The following ADGRF5 variants were observed in gnomAD, a reference collection of about 807,000 sequenced individuals.
The protein encoded by ADGRF5 is adhesion G protein-coupled receptor F5, also known as G-protein coupled receptor 116.
Under a neutral mutation model 132.3 loss-of-function variants are expected in ADGRF5, and 75 were observed. The ratio of observed to expected loss-of-function variants is 0.57; its 90% confidence interval spans 0.47 to 0.69. ADGRF5 has a LOEUF of 0.69. Among genes scored for constraint, ADGRF5 ranks in the 30% least tolerant of loss-of-function variants. The pLI is 0.00. For synonymous variants in ADGRF5, 629 were observed against 597.6 expected (o/e 1.05, Z -0.77); for missense variants, 1,516 against 1,630.6 (o/e 0.93, Z 1.21).
chr6:46,932,229 T>C (rs1777586074), intron 1 of ADGRF5, among the ~76,000 whole-genome samples: 1 of 152,200 alleles, frequency 6.6e-6, no homozygotes, highest in African/African-American at 2.4e-5. Flanking sequence ...TTAAAAAATA[T>C]TTTTTGACCA....
chr6:46,903,223 G>A (rs1443874919), intron 2 of ADGRF5, among the ~76,000 whole-genome samples: 1 of 150,034 alleles, frequency 6.7e-6, no homozygotes, highest in Non-Finnish European at 1.5e-5. Context: ...GGGAGCACAG[G>A]TTTGCCAGGG....
chr6:46,858,572 G>C lies in ADGRF5; in HGVS notation c.3331C>G (p.Leu1111Val), dbSNP rs761146135. 2.5e-6 allele frequency: 4 copies of C among 1,613,348 alleles called. No homozygotes were observed. The highest frequency in any genetic ancestry group is 3.3e-4 in the Middle Eastern group (2 of 6,058). Residue 1111 changes from leucine (L) to valine (V), a missense_variant, in exon 17 of 21, where the codon CTG becomes GTG. Leu to Val is a conservative substitution (Grantham distance 32). Around this residue, in one of 2 missense-constraint regions of ADGRF5, gnomAD observed 571 missense variants for 701.2 expected, o/e 0.81. Transcript: ENST00000283296. ...FFWMLTLGLMLFYRLVFILHE... is the reference protein window; with the variant it reads ...FFWMLTLGLMVFYRLVFILHE... ...AGAATGAAAACCAGGCGATAGAACA[G>C]CATGAGGCCCAGTGTCAGCATCCAG...
rs78332314 is a variant in ADGRF5 at position 46,896,977 on chromosome 6, T to C, written c.157+3052A>G. Among the ~76,000 whole-genome samples, 1,020 of 152,034 alleles carry C rather than the reference T, an allele frequency of 6.7e-3. 13 individuals are homozygous for C. The highest frequency in any genetic ancestry group is 0.023 in the African/African-American group (974 of 41,470). On this transcript the variant is annotated intron_variant, in intron 3 of 20. Coordinates refer to ENST00000283296, the MANE Select transcript of ADGRF5 (RefSeq NM_001098518.2). ...AGGATGTACATAGGTTATATGCAAATTGACACAATTTAATATCAGGGACTT... is the reference window on the plus strand; with the variant it reads ...AGGATGTACATAGGTTATATGCAAACTGACACAATTTAATATCAGGGACTT...
intron 3 of ADGRF5, among the ~76,000 whole-genome samples, chr6:46,895,510 G>A (rs554563749): frequency 6.6e-6 from 1 of 151,524 alleles, no homozygotes; most frequent in South Asian, 2.1e-4. Flanking sequence ...GCACACCCAG[G>A]TTGCTAGGCC....
At chr6:46,893,770 C>G (rs1424679512) in intron 3 of ADGRF5, among the ~76,000 whole-genome samples, 1 of 152,148 alleles carries the variant, frequency 6.6e-6, no homozygotes, top group African/African-American at 2.4e-5. Context: ...TGGAAGGTAG[C>G]CAATTCCAGG....
intron 1 of ADGRF5, among the ~76,000 whole-genome samples, chr6:46,910,093 C>T (rs1232173746): frequency 1.3e-5 from 2 of 152,276 alleles, no homozygotes; most frequent in African/African-American, 4.8e-5. Context: ...AATCCTTCAT[C>T]AGCCCTGAGA....
chr6:46,868,299 C>T (rs1046527694), intron 12 of ADGRF5, among the ~76,000 whole-genome samples: 1 of 152,170 alleles, frequency 6.6e-6, no homozygotes, highest in African/African-American at 2.4e-5. Flanking sequence ...CTAATAATAA[C>T]AGTATCCTCT....
At chr6:46,879,262 A>T (rs1185122953) in intron 9 of ADGRF5, among the ~76,000 whole-genome samples, 5 of 152,030 alleles carry the variant, frequency 3.3e-5, no homozygotes, top group Non-Finnish European at 7.4e-5. Context: ...AATGAATTTT[A>T]AAATTAATTA....
intron 10 of ADGRF5, among the ~76,000 whole-genome samples, chr6:46,877,248 T>TTTCC (rs1334204430): frequency 3.1e-4 from 10 of 32,052 alleles, no homozygotes; most frequent in African/African-American, 2.0e-3. Context: ...TCTTTCTTTC[T>TTTCC]TTCTTTCTTT....
intron 14 of ADGRF5, 91 bp from the exon 15 acceptor site, chr6:46,863,187 T>C (rs766422777): frequency 6.3e-6 from 6 of 950,140 alleles, no homozygotes. Flanking sequence ...TTTTGATGTT[T>C]GAATTCACAT....
intron 4 of ADGRF5, chr6:46,887,982 C>A: frequency 6.2e-6 from 1 of 161,326 alleles, no homozygotes; most frequent in East Asian, 1.6e-4. Context: ...ATTGATATAC[C>A]AAGGGAGGAG....
chr6:46,863,334 A>G (rs1267484344), intron 14 of ADGRF5: 1 of 592,268 alleles, frequency 1.7e-6, no homozygotes, highest in African/African-American at 1.8e-5. Flanking sequence ...AGAATTTTAT[A>G]CCTTCATCTG....
intron 1 of ADGRF5, among the ~76,000 whole-genome samples, chr6:46,908,436 C>T (rs111667534): frequency 4.1e-4 from 63 of 152,176 alleles, no homozygotes; most frequent in Middle Eastern, 3.4e-3. Context: ...GGCAGTTAAT[C>T]AAGGAGACGA....
chr6:46,904,811 A>G (rs531852638), intron 2 of ADGRF5, among the ~76,000 whole-genome samples: 8 of 152,336 alleles, frequency 5.3e-5, no homozygotes, highest in African/African-American at 1.9e-4. Flanking sequence ...AGCTTAGGGC[A>G]GTATAAACTG....
At chr6:46,922,166 T>C (rs1777005663), upstream of ADGRF5, among the ~76,000 whole-genome samples, 1 of 152,096 alleles carries the variant, frequency 6.6e-6, no homozygotes, top group African/African-American at 2.4e-5. Context: ...AAACCAAACA[T>C]AGGTTAGAGC....
chr6:46,888,230 T>C (rs1431022740), intron 4 of ADGRF5, 105 bp downstream of exon 4: 2 of 778,960 alleles, frequency 2.6e-6, no homozygotes, highest in African/African-American at 3.5e-5. Flanking sequence ...GGTGAGTCAT[T>C]TCACTTGCCT....
intron 14 of ADGRF5, among the ~76,000 whole-genome samples, chr6:46,863,573 T>A (rs529719305): frequency 1.3e-5 from 2 of 152,308 alleles, no homozygotes; most frequent in South Asian, 4.1e-4. Context: ...CTAATCAATA[T>A]GTTTAAGCAT....
intron 4 of ADGRF5, among the ~76,000 whole-genome samples, chr6:46,886,190 C>T (rs1003485029): frequency 3.3e-5 from 5 of 152,194 alleles, no homozygotes; most frequent in South Asian, 2.1e-4. Flanking sequence ...AGTGACTATC[C>T]AAAGGGAAGT....
intron 1 of ADGRF5, among the ~76,000 whole-genome samples, chr6:46,916,432 A>G (rs1776420649): frequency 6.6e-6 from 1 of 152,206 alleles, no homozygotes; most frequent in African/African-American, 2.4e-5. Context: ...GGACACAAGA[A>G]GTGGTGCAGG....
Sources: allele counts gnomAD v4.1 joint callset (sites outside exome capture counted in the v4.1 genomes callset), GRCh38; gene constraint gnomAD v4.1.1; regional missense constraint gnomAD v4.1.1; transcripts MANE v1.5; gene names NCBI Gene and HGNC (gene_info 2026-07-23, HGNC 2026-07-21).